The following FRMD4A variants were observed in gnomAD, a reference collection of about 807,000 sequenced individuals.
FRMD4A encodes FERM domain containing 4A.
Under a neutral mutation model 129.1 loss-of-function variants are expected in FRMD4A, and 29 were observed. The ratio of observed to expected loss-of-function variants is 0.22; its 90% CI spans 0.17 to 0.31. The LOEUF is 0.31. FRMD4A is among the 10% of genes least tolerant of loss of function. The probability of loss-of-function intolerance (pLI) is 1.00; values close to 1 mark genes in which losing one functional copy is unlikely to be tolerated. For missense variants in FRMD4A, 1,272 were observed against 1,375.8 expected, an observed-to-expected ratio of 0.92 and a Z score of 1.19; for synonymous variants, 634 against 571.6, an observed-to-expected ratio of 1.11 and a Z score of -1.56.
intron 2 of FRMD4A, among the ~76,000 whole-genome samples, chr10:14,257,910 T>C (rs1164600792): frequency 6.6e-6 from 1 of 152,254 alleles, no homozygotes; most frequent in African/African-American, 2.4e-5. Flanking sequence ...TTTGTGGTCA[T>C]CTGCTAAAAC....
intron 10 of FRMD4A, 78 bp downstream of exon 10, chr10:13,740,434 G>T: frequency 1.0e-6 from 1 of 954,372 alleles, no homozygotes; most frequent in Non-Finnish European, 1.7e-6. Context: ...CTTTGGAGAG[G>T]AACTGAACAA....
At chr10:14,291,811 C>T (rs1479824661) in intron 2 of FRMD4A, among the ~76,000 whole-genome samples, 2 of 151,500 alleles carry the variant, frequency 1.3e-5, no homozygotes, top group African/African-American at 4.8e-5. Context: ...AAACTATATA[C>T]ATATATAGGA....
rs549837234 is a variant in FRMD4A at position 14,296,536 on chromosome 10, G to C, written c.45+33522C>G. Among the ~76,000 whole-genome samples, 5 of 152,268 alleles carry C rather than the reference G, an allele frequency of 3.3e-5. No individual in the cohort carries two copies. The South Asian group carries it at 1.0e-3, about 32-fold the overall frequency. On this transcript the variant is annotated intron_variant, in intron 2 of 24. Coordinates refer to ENST00000357447, the MANE Select transcript of FRMD4A (RefSeq NM_018027.5). ...CTGGCTCCATCTCCCTGCAGTGTCT[G>C]CAACACTCAGATGATCCCACGCATA...
At chr10:13,884,240 ACT>A (rs1449734294) in intron 2 of FRMD4A, among the ~76,000 whole-genome samples, 5 of 135,176 alleles carry the variant, frequency 3.7e-5, no homozygotes, top group African/African-American at 8.2e-5. Context: ...ACACACACAC[ACT>A]CCCTAAAAGG....
chr10:14,297,342 C>T (rs1434809242), intron 2 of FRMD4A, among the ~76,000 whole-genome samples: 1 of 152,082 alleles, frequency 6.6e-6, no homozygotes, highest in Non-Finnish European at 1.5e-5. Context: ...ATTCCTGCAG[C>T]TCTAATCATA....
At chr10:13,755,257 C>T (rs2091811652) in intron 8 of FRMD4A, among the ~76,000 whole-genome samples, 1 of 152,178 alleles carries the variant, frequency 6.6e-6, no homozygotes, top group South Asian at 2.1e-4. Flanking sequence ...AAGGCACCCT[C>T]TGGCCTGGCA....
At chr10:13,923,138 C>T (rs773284909) in intron 2 of FRMD4A, among the ~76,000 whole-genome samples, 8 of 152,110 alleles carry the variant, frequency 5.3e-5, no homozygotes, top group Admixed American at 3.3e-4. Context: ...TGGTCTGTAT[C>T]GAGTGAGGTT....
intron 16 of FRMD4A, among the ~76,000 whole-genome samples, chr10:13,670,954 A>G (rs1224723650): frequency 2.6e-5 from 4 of 152,162 alleles, no homozygotes; most frequent in Non-Finnish European, 5.9e-5. Flanking sequence ...TGCTCTTGAC[A>G]CTGCATCAAA....
chr10:13,824,537 A>G (rs977822327), intron 3 of FRMD4A, among the ~76,000 whole-genome samples: 2 of 151,712 alleles, frequency 1.3e-5, no homozygotes, highest in Admixed American at 6.6e-5. Flanking sequence ...AAACCAATAC[A>G]CCAATAATAA....
intron 2 of FRMD4A, among the ~76,000 whole-genome samples, chr10:13,958,344 C>T (rs560594832): frequency 9.0e-4 from 118 of 130,894 alleles, no homozygotes; most frequent in Non-Finnish European, 1.6e-3. Flanking sequence ...AGTGCAGTGG[C>T]GCGATCTCGG....
rs145544025 is a variant in FRMD4A, at chr10:14,062,120, C to T, written c.46-203208G>A. The stretch of plus-strand genomic sequence containing the variant: ...TATATATAACATGCTATTTATAGTA[C>T]TGAAAAACTACAAAGCCATGTAAAT... On this transcript the variant is annotated intron_variant, in intron 2 of 24. Coordinates refer to ENST00000357447, the MANE Select transcript of FRMD4A (RefSeq NM_018027.5). Among the ~76,000 whole-genome samples the T allele has an allele frequency of 4.7e-3, 709 of 152,228 alleles. 12 individuals carry two copies. The highest frequency in any genetic ancestry group is 0.016 in the African/African-American group (674 of 41,528).
chr10:14,329,882 C>G (rs1843443008), intron 2 of FRMD4A, among the ~76,000 whole-genome samples, 176 bp downstream of exon 2: 1 of 152,198 alleles, frequency 6.6e-6, no homozygotes, highest in South Asian at 2.1e-4. Flanking sequence ...CTTTTCCCTG[C>G]AAGTGCTTTG....
chr10:13,991,425 C>T (rs764263231), intron 2 of FRMD4A, among the ~76,000 whole-genome samples: 34 of 152,186 alleles, frequency 2.2e-4, no homozygotes, highest in Non-Finnish European at 3.5e-4. Flanking sequence ...TTTCCTCCAA[C>T]GGGACCCCCT....
intron 2 of FRMD4A, among the ~76,000 whole-genome samples, chr10:13,906,652 T>C (rs757120181): frequency 2.6e-5 from 4 of 152,188 alleles, no homozygotes; most frequent in Non-Finnish European, 5.9e-5. Flanking sequence ...TTGAGCCTCA[T>C]AGGTAACTGC....
At chr10:14,255,962 C>T (rs536365872) in intron 2 of FRMD4A, among the ~76,000 whole-genome samples, 3 of 149,092 alleles carry the variant, frequency 2.0e-5, no homozygotes, top group South Asian at 4.3e-4. Context: ...ATCAAAATCA[C>T]GCCACTGCAC....
intron 2 of FRMD4A, among the ~76,000 whole-genome samples, chr10:14,056,492 G>C (rs1297188963): frequency 6.6e-6 from 1 of 151,448 alleles, no homozygotes; most frequent in African/African-American, 2.4e-5. Context: ...TGAATAAGTA[G>C]GTCTAATTCA....
At position 13,989,459 on chromosome 10, in the gene FRMD4A, G is replaced by A. The variant is rs370742585; in HGVS notation, c.46-130547C>T. ...CAACTTCCGCCTCCCGGGTTCAAGCGATTCTCCTGACTCAGCCTCCCACCA... is the reference window on the plus strand; with the variant it reads ...CAACTTCCGCCTCCCGGGTTCAAGCAATTCTCCTGACTCAGCCTCCCACCA... On this transcript the variant is annotated intron_variant, in intron 2 of 24. Transcript: ENST00000357447. Among the ~76,000 whole-genome samples the A allele has an allele frequency of 1.5e-4, 23 of 152,164 alleles. No homozygotes were observed. The South Asian group carries it at 3.1e-3, about 21-fold the overall frequency.
intron 2 of FRMD4A, among the ~76,000 whole-genome samples, chr10:13,953,630 T>C (rs532110409): frequency 2.0e-5 from 3 of 152,318 alleles, no homozygotes; most frequent in Admixed American, 6.5e-5. Context: ...CTTGAGGTCA[T>C]AGTACTTATA....
intron 2 of FRMD4A, among the ~76,000 whole-genome samples, chr10:14,027,752 C>T (rs1336484199): frequency 6.6e-6 from 1 of 152,232 alleles, no homozygotes; most frequent in East Asian, 1.9e-4. Context: ...TACTCTAGCA[C>T]TGGGGCTCTA....
Sources: gnomAD v4.1 joint callset for allele counts (sites outside exome capture counted in the v4.1 genomes callset) on GRCh38, gnomAD v4.1.1 for gene constraint, MANE v1.5 for transcripts, NCBI Gene and HGNC (gene_info 2026-07-23, HGNC 2026-07-21) for gene names.